Variants in RUNX2 observed in about 807,000 individuals in gnomAD.
RUNX2 encodes runt-related transcription factor 2.
Under a neutral mutation model 51.7 loss-of-function variants are expected in RUNX2, and 10 were observed. The observed-to-expected ratio is 0.19, with a 90% CI of 0.12 to 0.33. The LOEUF (loss-of-function observed/expected upper bound fraction) is 0.33, where lower values mean the gene tolerates loss of function less well. Among genes scored for constraint, RUNX2 ranks in the 10% least tolerant of loss-of-function variants. The pLI, the probability that RUNX2 is intolerant of heterozygous loss-of-function variation, is 1.00. For synonymous variants in RUNX2, 276 were observed against 273.6 expected, an observed-to-expected ratio of 1.01 and a Z score of -0.09; for missense variants, 562 against 691.3, an observed-to-expected ratio of 0.81 and a Z score of 2.10.
At chr6:45,489,467 A>G (rs1488788940) in intron 5 of RUNX2, among the ~76,000 whole-genome samples, 2 of 152,238 alleles carry the variant, frequency 1.3e-5, no homozygotes, top group Non-Finnish European at 1.5e-5. Flanking sequence ...TGAAAAGGCT[A>G]TAGAAAGCAG....
At chr6:45,432,739 T>C (rs1353134904) in intron 4 of RUNX2, among the ~76,000 whole-genome samples, 2 of 152,178 alleles carry the variant, frequency 1.3e-5, no homozygotes, top group Non-Finnish European at 2.9e-5. Flanking sequence ...ATGAGGTTAA[T>C]GTTTTTTAAA....
chr6:45,521,293 T>C (rs768359846), intron 7 of RUNX2, among the ~76,000 whole-genome samples: 4 of 152,236 alleles, frequency 2.6e-5, no homozygotes, highest in Non-Finnish European at 4.4e-5. Context: ...GAAACTTTCA[T>C]TGCTGATAAG....
intron 3 of RUNX2, among the ~76,000 whole-genome samples, chr6:45,423,800 C>T (rs1329511033): frequency 6.6e-6 from 1 of 152,170 alleles, no homozygotes; most frequent in African/African-American, 2.4e-5. Flanking sequence ...CGGGGGCGTT[C>T]AGGGGGCCTG....
At chr6:45,364,438 G>A (rs748477929) in intron 2 of RUNX2, among the ~76,000 whole-genome samples, 3 of 152,092 alleles carry the variant, frequency 2.0e-5, no homozygotes, top group Non-Finnish European at 4.4e-5. Context: ...TCAACTACCT[G>A]TTAAGTCATG....
In RUNX2 at chr6:45,397,935, C is replaced by A. The variant is rs776425392; in HGVS notation, c.59-24658C>A. On this transcript the variant is annotated intron_variant, in intron 2 of 8. Transcript: ENST00000647337. ...GAGGATCTTATCTCATTTTAGTGTTCCCTGCGTGTGACATTGAACCTAGCA... is the reference window on the plus strand; with the variant it reads ...GAGGATCTTATCTCATTTTAGTGTTACCTGCGTGTGACATTGAACCTAGCA... Among the ~76,000 whole-genome samples, 20 of 152,250 alleles carry A rather than the reference C, an allele frequency of 1.3e-4. No homozygotes were observed. The Middle Eastern group carries it at 0.02, about 155-fold the overall frequency.
At position 45,422,985 on chromosome 6, in the gene RUNX2, C is replaced by G. The variant is rs780333101; in HGVS notation, c.423+28C>G. 36 of 1,597,852 alleles carry G rather than the reference C, an allele frequency of 2.3e-5. No individual in the cohort carries two copies. The African/African-American group carries it at 3.1e-4, about 14-fold the overall frequency. On this transcript the variant is annotated intron_variant, in intron 3 of 8. Coordinates refer to ENST00000647337, the MANE Select transcript of RUNX2 (RefSeq NM_001024630.4). ...AAGAGGCTACACCGCCCCCCGCCCC[C>G]GGCCGGGAGCGGCGGAACCTGCCCG...
At position 45,436,235 on chromosome 6, in the gene RUNX2, TATTA is replaced by T. The variant is rs1798680718; in HGVS notation, c.581-1708_581-1705del. ...GGGACGCATCTAGAAATAAATTACT[TATTA>T]ATTTTTTTAAATGGCAAGTGATCAA... On this transcript the variant is annotated intron_variant, in intron 4 of 8. Transcript: ENST00000647337. 2.6e-5 allele frequency among the ~76,000 whole-genome samples: 4 copies of T among 152,160 alleles called. No individual in the cohort carries two copies. In the South Asian group the frequency reaches 8.3e-4, roughly 32 times the overall value.
chr6:45,493,717 A>G (rs1453330017), intron 6 of RUNX2, among the ~76,000 whole-genome samples: 1 of 149,528 alleles, frequency 6.7e-6, no homozygotes, highest in Non-Finnish European at 1.5e-5. Flanking sequence ...TTGTCTTTAT[A>G]GTAATCCTTA....
chr6:45,390,420 A>G (rs1274626775), intron 2 of RUNX2, among the ~76,000 whole-genome samples: 1 of 152,232 alleles, frequency 6.6e-6, no homozygotes, highest in Non-Finnish European at 1.5e-5. Flanking sequence ...ACTACAGGAA[A>G]CAGATAAATT....
chr6:45,469,240 C>T (rs1009117299), intron 5 of RUNX2, among the ~76,000 whole-genome samples: 3 of 151,998 alleles, frequency 2.0e-5, no homozygotes, highest in Non-Finnish European at 2.9e-5. Flanking sequence ...GGTTATATTC[C>T]CCAGTGTTTC....
intron 2 of RUNX2, among the ~76,000 whole-genome samples, chr6:45,419,307 A>G (rs1017948405): frequency 6.6e-6 from 1 of 152,144 alleles, no homozygotes; most frequent in Admixed American, 6.5e-5. Flanking sequence ...CATAGAAATA[A>G]TCAATTCCCA....
intron 2 of RUNX2, among the ~76,000 whole-genome samples, chr6:45,354,302 T>G (rs1792677120): frequency 6.6e-6 from 1 of 152,038 alleles, no homozygotes; most frequent in Non-Finnish European, 1.5e-5. Flanking sequence ...TAAAAAGATC[T>G]GATAACATAG....
At chr6:45,336,337 G>C (rs906419880) in intron 2 of RUNX2, among the ~76,000 whole-genome samples, 2 of 151,346 alleles carry the variant, frequency 1.3e-5, no homozygotes, top group African/African-American at 4.8e-5. Flanking sequence ...TAAGCATATT[G>C]CAGAATATTT....
intron 5 of RUNX2, among the ~76,000 whole-genome samples, chr6:45,448,181 C>T (rs140242714): frequency 3.3e-5 from 5 of 152,208 alleles, no homozygotes; most frequent in Non-Finnish European, 2.9e-5. Flanking sequence ...AGAAAGCAAA[C>T]GGGGAGGAAA....
chr6:45,358,295 A>T (rs1487808213), intron 2 of RUNX2, among the ~76,000 whole-genome samples: 2 of 152,200 alleles, frequency 1.3e-5, no homozygotes, highest in Admixed American at 1.3e-4. Context: ...GCTAAACTTA[A>T]ATAAAATCTA....
intron 7 of RUNX2, among the ~76,000 whole-genome samples, chr6:45,539,342 A>G (rs1216843248): frequency 6.6e-6 from 1 of 152,170 alleles, no homozygotes; most frequent in Non-Finnish European, 1.5e-5. Context: ...ACAGAAAACA[A>G]ATATTTAGAC....
intron 5 of RUNX2, among the ~76,000 whole-genome samples, chr6:45,453,908 G>A (rs1026776756): frequency 1.3e-5 from 2 of 152,188 alleles, no homozygotes; most frequent in Non-Finnish European, 2.9e-5. Flanking sequence ...GGTCCAAAAC[G>A]CAGGATGAAC....
intron 2 of RUNX2, among the ~76,000 whole-genome samples, chr6:45,378,159 G>T (rs534494599): frequency 1.3e-4 from 20 of 152,372 alleles, no homozygotes; most frequent in South Asian, 6.2e-4. Context: ...GGCTTGGGCA[G>T]CGCTGAGCCA....
intron 2 of RUNX2, among the ~76,000 whole-genome samples, chr6:45,358,895 CAG>C (rs918934756): frequency 1.3e-5 from 2 of 152,092 alleles, no homozygotes; most frequent in Non-Finnish European, 2.9e-5. Context: ...TAGTTCAGAA[CAG>C]AGACTGCCAC....
Sources: gnomAD v4.1 joint callset for allele counts (sites outside exome capture counted in the v4.1 genomes callset) on GRCh38, gnomAD v4.1.1 for gene constraint, MANE v1.5 for transcripts, NCBI Gene and HGNC (gene_info 2026-07-23, HGNC 2026-07-21) for gene names.